SYNPR: variants seen among roughly 807,000 people sequenced by gnomAD.
SYNPR encodes synaptoporin.
In SYNPR, 23 loss-of-function variants were observed where a neutral mutation model predicts 32.9. That is an observed-to-expected ratio of 0.70 (90% CI 0.50 to 0.99). The LOEUF is 0.99. SYNPR is among the 50% of genes least tolerant of loss of function. The pLI, the probability that SYNPR is intolerant of heterozygous loss-of-function variation, is 0.00. For missense variants in SYNPR, 318 were observed against 349.3 expected, an observed-to-expected ratio of 0.91 and a Z score of 0.71; for synonymous variants, 146 against 135.9, an observed-to-expected ratio of 1.07 and a Z score of -0.52.
At chr3:63,502,679 T>C (rs1701505231) in intron 3 of SYNPR, among the ~76,000 whole-genome samples, 2 of 152,210 alleles carry the variant, frequency 1.3e-5, no homozygotes, top group Non-Finnish European at 2.9e-5. Context: ...CTTATTTCAC[T>C]TAGTAATATG....
intron 3 of SYNPR, among the ~76,000 whole-genome samples, chr3:63,544,899 T>A (rs1418282678): frequency 6.6e-6 from 1 of 151,756 alleles, no homozygotes; most frequent in Non-Finnish European, 1.5e-5. Context: ...CACAATCCTA[T>A]GAATATGGTG....
At chr3:63,584,603 G>C (rs555146078) in intron 4 of SYNPR, among the ~76,000 whole-genome samples, 1 of 152,082 alleles carries the variant, frequency 6.6e-6, no homozygotes, top group Non-Finnish European at 1.5e-5. Context: ...TTTACGTTGG[G>C]TGCTAAGTGA....
At chr3:63,589,543 G>T (rs1703267828) in intron 4 of SYNPR, among the ~76,000 whole-genome samples, 1 of 151,230 alleles carries the variant, frequency 6.6e-6, no homozygotes, top group Admixed American at 6.6e-5. Flanking sequence ...GAACATTGAT[G>T]CAAAAATCCT....
intron 1 of SYNPR, among the ~76,000 whole-genome samples, chr3:63,232,350 C>T (rs893447338): frequency 6.6e-6 from 1 of 151,722 alleles, no homozygotes; most frequent in South Asian, 2.1e-4. Context: ...TACAGGTATG[C>T]ACCACCAGGC....
intron 3 of SYNPR, among the ~76,000 whole-genome samples, chr3:63,270,091 G>T (rs2086521721): frequency 6.6e-6 from 1 of 152,160 alleles, no homozygotes. Context: ...GTAGAAATCT[G>T]GACAAAGCAG....
intron 2 of SYNPR, among the ~76,000 whole-genome samples, chr3:63,458,101 G>A (rs539068466): frequency 4.6e-5 from 7 of 152,132 alleles, no homozygotes; most frequent in East Asian, 1.9e-4. Flanking sequence ...TTTGATATAC[G>A]ATAAGGTAAT....
At chr3:63,495,732 T>C (rs1701361392) in intron 3 of SYNPR, among the ~76,000 whole-genome samples, 1 of 152,144 alleles carries the variant, frequency 6.6e-6, no homozygotes, top group Non-Finnish European at 1.5e-5. Flanking sequence ...TGTTCTAAAA[T>C]CCTTTTAGCA....
chr3:63,534,891 T>C (rs144455416), intron 3 of SYNPR, among the ~76,000 whole-genome samples: 2 of 152,060 alleles, frequency 1.3e-5, no homozygotes, highest in Admixed American at 1.3e-4. Flanking sequence ...AAATGAGTAA[T>C]CTATTCATAA....
At chr3:63,220,392 A>G in the SYNPR span, among the ~76,000 whole-genome samples, 246 of 152,332 alleles carry the variant, frequency 1.6e-3, no homozygotes, top group Non-Finnish European at 2.6e-3. Flanking sequence ...TAGGCTGGTT[A>G]CTAGATTCCT....
chr3:63,574,112 G>T (rs566179118), intron 4 of SYNPR, among the ~76,000 whole-genome samples: 10 of 152,122 alleles, frequency 6.6e-5, no homozygotes, highest in Non-Finnish European at 1.5e-4. Flanking sequence ...GACAGTCAGT[G>T]TTTACTAACA....
At chr3:63,343,350 G>A (rs1220215774) in intron 2 of SYNPR, among the ~76,000 whole-genome samples, 3 of 152,170 alleles carry the variant, frequency 2.0e-5, no homozygotes, top group Non-Finnish European at 4.4e-5. Flanking sequence ...GATTCTAGGA[G>A]AGCCGAGGAA....
chr3:63,296,944 C>T (rs536447909), intron 2 of SYNPR, among the ~76,000 whole-genome samples: 1 of 152,244 alleles, frequency 6.6e-6, no homozygotes, highest in East Asian at 1.9e-4. Context: ...CTATACTTTA[C>T]TTAAAATAAG....
chr3:63,422,728 T>C (rs939121062), intron 2 of SYNPR, among the ~76,000 whole-genome samples: 2 of 152,102 alleles, frequency 1.3e-5, no homozygotes, highest in South Asian at 2.1e-4. Flanking sequence ...AAACTACAGA[T>C]GGTTTTGGTC....
chr3:63,245,704 AGAGAGAGTGTGTGTGTGT>A (rs1410451138), intron 1 of SYNPR, among the ~76,000 whole-genome samples: 1 of 102,260 alleles, frequency 9.8e-6, no homozygotes, highest in African/African-American at 4.6e-5. Flanking sequence ...AGAGAGAGAG[AGAGAGAGTGTGTGTGTGT>A]GTGTGTGTGT....
At chr3:63,552,537 G>C (rs755888196) in intron 3 of SYNPR, among the ~76,000 whole-genome samples, 1 of 152,100 alleles carries the variant, frequency 6.6e-6, no homozygotes, top group Non-Finnish European at 1.5e-5. Flanking sequence ...AAAACAAATG[G>C]ACTTGAGAAA....
intron 2 of SYNPR, among the ~76,000 whole-genome samples, chr3:63,255,100 G>A (rs894858488): frequency 6.6e-6 from 1 of 152,126 alleles, no homozygotes; most frequent in Admixed American, 6.5e-5. Context: ...TTACCCACTG[G>A]GTGATAGTAG....
In SYNPR at chr3:63,392,687, A is replaced by AT. The variant is rs935889013; in HGVS notation, c.85-88137dup. 2.6e-5 allele frequency among the ~76,000 whole-genome samples: 4 copies of AT among 152,074 alleles called. No individual in the cohort carries two copies. The East Asian group carries it at 5.8e-4, about 22-fold the overall frequency. ...ATATCCAGCCCAAAGGGAAACTGTC[A>AT]TTTTTTTTCCAGAAGGTGGTAATGA... On this transcript the variant is annotated intron_variant, in intron 2 of 5. Transcript: ENST00000478300.
intron 4 of SYNPR, among the ~76,000 whole-genome samples, chr3:63,572,338 T>C (rs947035789): frequency 2.0e-5 from 3 of 152,152 alleles, no homozygotes; most frequent in Non-Finnish European, 4.4e-5. Flanking sequence ...TTGTATGCTC[T>C]CTGAACTATC....
chr3:63,250,772 G>A (rs1199492815), intron 1 of SYNPR, among the ~76,000 whole-genome samples: 2 of 152,166 alleles, frequency 1.3e-5, no homozygotes, highest in African/African-American at 2.4e-5. Flanking sequence ...TGCCTGTAGA[G>A]TTCACGTTAA....
Sources: allele counts gnomAD v4.1 joint callset (sites outside exome capture counted in the v4.1 genomes callset), GRCh38; gene constraint gnomAD v4.1.1; transcripts MANE v1.5; gene names NCBI Gene and HGNC (gene_info 2026-07-23, HGNC 2026-07-21).